Variants in CSMD1 observed in about 807,000 individuals in gnomAD.
The protein encoded by CSMD1 is CUB and sushi domain-containing protein 1.
Under a neutral mutation model 417.5 loss-of-function variants are expected in CSMD1, and 213 were observed. The observed-to-expected ratio is 0.51, with a 90% confidence interval of 0.46 to 0.57. The LOEUF (loss-of-function observed/expected upper bound fraction) is 0.57. Ranked by LOEUF, CSMD1 falls within the 20% of genes least tolerant of loss-of-function variation. The probability of loss-of-function intolerance (pLI) is 0.00; values close to 1 mark genes in which losing one functional copy is unlikely to be tolerated. For missense variants in CSMD1, 6,923 were observed against 4,529.7 expected (o/e 1.53, Z -15.17); for synonymous variants, 2,862 against 1,736.8 (o/e 1.65, Z -16.11).
At chr8:4,317,240 A>G (rs181924492) in intron 3 of CSMD1, among the ~76,000 whole-genome samples, 2 of 151,402 alleles carry the variant, frequency 1.3e-5, no homozygotes, top group African/African-American at 4.9e-5. Flanking sequence ...TAGGCAGGGA[A>G]TTTTTCTTTT....
chr8:4,717,047 C>G (rs1257659251), intron 1 of CSMD1, among the ~76,000 whole-genome samples: 1 of 151,706 alleles, frequency 6.6e-6, no homozygotes, highest in Admixed American at 6.6e-5. Flanking sequence ...CTGAATATCA[C>G]AAAGAAAAAT....
At chr8:3,349,806 TATAA>T (rs1357993451) in intron 21 of CSMD1, among the ~76,000 whole-genome samples, 13 of 144,818 alleles carry the variant, frequency 9.0e-5, no homozygotes, top group South Asian at 8.5e-4. Context: ...TATAAATAGA[TATAA>T]ATATACATAT....
In CSMD1 at chr8:3,367,185, C is replaced by G; in HGVS notation, c.2962G>C (p.Glu988Gln). 10 of 1,613,636 alleles carry G rather than the reference C, an allele frequency of 6.2e-6. No homozygotes were observed. The highest frequency in any genetic ancestry group is 8.5e-6 in the Non-Finnish European group (10 of 1,179,778). Reference sequence around the variant, plus strand: ...ACGGGCTCGGAAAAACTTCCATCCTCTGTGATCAGTAAATAGTCGTGGGAA... The same window carrying G: ...ACGGGCTCGGAAAAACTTCCATCCTGTGTGATCAGTAAATAGTCGTGGGAA... ...ESSHDYLLIT[E>Q]DGSFSEPVAR... is the part of the protein sequence containing the mutation. Residue 988 changes from glutamate to glutamine, a missense_variant, in exon 20 of 70, where the codon GAG becomes CAG. Physicochemically the swap from Glu to Gln is conservative, Grantham distance 29 (BLOSUM62 2). Coordinates refer to ENST00000635120, the MANE Select transcript of CSMD1 (RefSeq NM_033225.6).
At chr8:4,761,485 A>C (rs940962909) in intron 1 of CSMD1, among the ~76,000 whole-genome samples, 1 of 152,104 alleles carries the variant, frequency 6.6e-6, no homozygotes, top group African/African-American at 2.4e-5. Context: ...TGTGAATACT[A>C]AACATTTAAT....
rs1357941053 is a variant in CSMD1, at chr8:3,792,701, GAC to G, written c.819-38661_819-38660del. ...CAATCATGAAATCTTTTCTAAAATT[GAC>G]ACAGTCAAGTTGGTGAAAGAGTTTC... On this transcript the variant is annotated intron_variant, in intron 5 of 69. Transcript: ENST00000635120. Among the ~76,000 whole-genome samples the G allele has an allele frequency of 2.6e-5, 4 of 152,224 alleles. No homozygotes were observed. The South Asian group carries it at 6.2e-4, about 24-fold the overall frequency.
chr8:3,727,429 T>C (rs918423185), intron 6 of CSMD1, among the ~76,000 whole-genome samples: 3 of 152,140 alleles, frequency 2.0e-5, no homozygotes, highest in African/African-American at 7.2e-5. Context: ...GCTTTTCCTG[T>C]CTAATATTCT....
chr8:3,835,907 T>G (rs962203499), intron 5 of CSMD1, among the ~76,000 whole-genome samples: 5 of 152,034 alleles, frequency 3.3e-5, no homozygotes, highest in Non-Finnish European at 5.9e-5. Flanking sequence ...TAAGACTTTT[T>G]TCAACATATT....
chr8:3,411,559 C>A (rs1812701994), intron 12 of CSMD1, among the ~76,000 whole-genome samples: 1 of 151,342 alleles, frequency 6.6e-6, no homozygotes, highest in Non-Finnish European at 1.5e-5. Flanking sequence ...CTTTGCATTC[C>A]TGGGTTACTT....
At chr8:3,179,624 C>A (rs1224492416) in intron 37 of CSMD1, among the ~76,000 whole-genome samples, 4 of 152,020 alleles carry the variant, frequency 2.6e-5, no homozygotes, top group African/African-American at 7.2e-5. Flanking sequence ...CTTTCCAAGA[C>A]AAAGGAATAA....
At chr8:3,975,108 T>G (rs553710530) in intron 5 of CSMD1, among the ~76,000 whole-genome samples, 41 of 152,216 alleles carry the variant, frequency 2.7e-4, no homozygotes, top group Non-Finnish European at 4.1e-4. Context: ...TTTTAATAAC[T>G]TGAAAACCAC....
At chr8:4,339,845 A>G (rs772501294) in intron 3 of CSMD1, among the ~76,000 whole-genome samples, 3 of 152,048 alleles carry the variant, frequency 2.0e-5, no homozygotes, top group African/African-American at 7.2e-5. Flanking sequence ...GCAACAAAGT[A>G]AGACCTCATC....
chr8:4,978,339 C>G (rs539362885), intron 1 of CSMD1, among the ~76,000 whole-genome samples: 1 of 152,192 alleles, frequency 6.6e-6, no homozygotes, highest in East Asian at 1.9e-4. Context: ...ATCTTGGAAT[C>G]TAAAGCCAGA....
chr8:3,960,771 A>G (rs1812272875), intron 5 of CSMD1, among the ~76,000 whole-genome samples: 1 of 151,914 alleles, frequency 6.6e-6, no homozygotes, highest in South Asian at 2.1e-4. Context: ...AGAAGTGATA[A>G]AAACATATGT....
chr8:3,624,629 G>C (rs776083314), intron 7 of CSMD1, among the ~76,000 whole-genome samples: 9 of 152,114 alleles, frequency 5.9e-5, no homozygotes, highest in African/African-American at 1.4e-4. Context: ...CAGGAAAGTG[G>C]TTATACAAAA....
intron 10 of CSMD1, among the ~76,000 whole-genome samples, chr8:3,556,277 C>T (rs965068987): frequency 6.6e-6 from 1 of 151,096 alleles, no homozygotes; most frequent in Non-Finnish European, 1.5e-5. Context: ...CCTCACCTCC[C>T]TACAACCCCC....
At chr8:4,435,006 CTCTTG>C (rs1341143894) in intron 2 of CSMD1, among the ~76,000 whole-genome samples, 4 of 152,066 alleles carry the variant, frequency 2.6e-5, no homozygotes, top group Non-Finnish European at 5.9e-5. Flanking sequence ...CTTTTGTCTA[CTCTTG>C]GAGACATTTA....
At chr8:3,411,430 C>T (rs923582011) in intron 12 of CSMD1, among the ~76,000 whole-genome samples, 1 of 151,750 alleles carries the variant, frequency 6.6e-6, no homozygotes, top group Non-Finnish European at 1.5e-5. Flanking sequence ...TTGTAGTCTT[C>T]TATTCCTCAT....
At chr8:4,207,813 G>T (rs1027464335) in intron 3 of CSMD1, among the ~76,000 whole-genome samples, 2 of 152,122 alleles carry the variant, frequency 1.3e-5, no homozygotes, top group East Asian at 3.9e-4. Context: ...CAATAATTAT[G>T]TTGAAACAGA....
chr8:4,070,296 A>G (rs539543739), intron 3 of CSMD1, among the ~76,000 whole-genome samples: 1 of 152,250 alleles, frequency 6.6e-6, no homozygotes, highest in Non-Finnish European at 1.5e-5. Context: ...TTTTTACTTA[A>G]AAAGTCTCAT....
Sources: gnomAD v4.1 joint callset for allele counts (sites outside exome capture counted in the v4.1 genomes callset) on GRCh38, gnomAD v4.1.1 for gene constraint, MANE v1.5 for transcripts, NCBI Gene and HGNC (gene_info 2026-07-23, HGNC 2026-07-21) for gene names.